Variants in NAA25 observed in about 807,000 individuals in gnomAD.
NAA25 encodes N-terminal acetyltransferase B complex subunit NAA25.
NAA25 carries 30 observed loss-of-function variants against 132.5 expected under a neutral mutation model. The ratio of observed to expected loss-of-function variants is 0.23; its 90% CI spans 0.17 to 0.31. The LOEUF (loss-of-function observed/expected upper bound fraction) is 0.31. Among genes scored for constraint, NAA25 ranks in the 10% least tolerant of loss-of-function variants. The probability of loss-of-function intolerance (pLI) is 1.00; values close to 1 mark genes in which losing one functional copy is unlikely to be tolerated. For missense variants in NAA25, 771 were observed against 1,150.4 expected, an observed-to-expected ratio of 0.67 and a Z score of 4.77; for synonymous variants, 359 against 401.9, an observed-to-expected ratio of 0.89 and a Z score of 1.28.
chr12:112,075,544 G>A, intron 8 of NAA25, 134 bp downstream of exon 8: 1 of 655,542 alleles, frequency 1.5e-6, no homozygotes, highest in Non-Finnish European at 2.6e-6. Context: ...AAAACTTTTA[G>A]AAACATGCAG....
intron 11 of NAA25, among the ~76,000 whole-genome samples, chr12:112,068,321 T>G (rs576168446): frequency 6.6e-6 from 1 of 152,110 alleles, no homozygotes. Context: ...CATGTGGGAT[T>G]CTGGTGGTGG....
intron 1 of NAA25, among the ~76,000 whole-genome samples, chr12:112,098,134 A>C (rs1035991769): frequency 6.6e-6 from 1 of 150,920 alleles, no homozygotes; most frequent in Non-Finnish European, 1.5e-5. Flanking sequence ...AAAAAAAAAA[A>C]AAAAAAACCA....
chr12:112,049,702 G>T lies in NAA25; in HGVS notation c.1729-1259C>A. On this transcript the variant is annotated intron_variant, in intron 15 of 23. Transcript: ENST00000261745. This position sits in a 1 kb window ranked among gnomAD's most constrained non-coding sequence, Gnocchi z 4.7. Reference sequence around the variant, plus strand: ...CAAGAAGGACTACCTGAAAAAGCTCGAGTATACCTTCTAGCTTGATTAAAG... The same window carrying T: ...CAAGAAGGACTACCTGAAAAAGCTCTAGTATACCTTCTAGCTTGATTAAAG... The T allele has an allele frequency of 1.1e-6, 1 of 910,706 alleles. No individual in the cohort carries two copies. The highest frequency in any genetic ancestry group is 1.3e-6 in the Non-Finnish European group (1 of 761,860). 56.4% of individuals were successfully genotyped at this position (910,706 alleles called of 1,614,324 possible).
intron 4 of NAA25, among the ~76,000 whole-genome samples, chr12:112,082,583 A>G (rs1243625400): frequency 2.6e-5 from 4 of 152,136 alleles, no homozygotes; most frequent in African/African-American, 9.7e-5. Context: ...TCTCAAAATC[A>G]AAATAATAAA....
chr12:112,046,421 C>T (rs1034728551), intron 17 of NAA25, among the ~76,000 whole-genome samples: 3 of 152,204 alleles, frequency 2.0e-5, no homozygotes, highest in East Asian at 1.9e-4. Flanking sequence ...AAACCTTAGC[C>T]GTTGAGTGCA....
intron 19 of NAA25, 114 bp downstream of exon 19, chr12:112,042,974 A>C: frequency 1.0e-6 from 1 of 987,208 alleles, no homozygotes. Flanking sequence ...TTTGCAGAAC[A>C]GCTTCCAGCT....
chr12:112,067,479 C>T (rs144624291), intron 11 of NAA25, among the ~76,000 whole-genome samples: 1,803 of 152,154 alleles, frequency 0.012, 22 homozygotes, highest in Admixed American at 0.014. Context: ...AAGGCTGAGG[C>T]GGGTGGATCA....
intron 10 of NAA25, among the ~76,000 whole-genome samples, chr12:112,070,995 C>T (rs1029390878): frequency 1.3e-5 from 2 of 152,246 alleles, no homozygotes; most frequent in African/African-American, 2.4e-5. Flanking sequence ...GATCCGCCCG[C>T]CTTGGCCTCC....
chr12:112,066,737 C>T (rs867144551), intron 11 of NAA25, among the ~76,000 whole-genome samples: 6 of 152,188 alleles, frequency 3.9e-5, no homozygotes, highest in African/African-American at 9.7e-5. Flanking sequence ...ACTAAACCAA[C>T]GTGAATGGCA....
At chr12:112,094,044 C>T (rs2079176582) in intron 1 of NAA25, among the ~76,000 whole-genome samples, 1 of 151,746 alleles carries the variant, frequency 6.6e-6, no homozygotes, top group African/African-American at 2.4e-5. Flanking sequence ...TCGAGACCAT[C>T]CTGGCTAACA....
At chr12:112,030,210 C>CAAAAAAAAAA (rs67757055) in intron 23 of NAA25, among the ~76,000 whole-genome samples, 1 of 53,376 alleles carries the variant, frequency 1.9e-5, no homozygotes, top group Admixed American at 2.5e-4. Flanking sequence ...AAAGCTGTCT[C>CAAAAAAAAAA]AAAAAAAAAA....
Position 112,053,692 on chromosome 12 carries a change from T to G in NAA25, c.1629-35A>C, listed in dbSNP as rs1377515679. 8 of 1,474,454 alleles carry G rather than the reference T, an allele frequency of 5.4e-6. No homozygotes were observed. The South Asian group carries it at 7.1e-5, about 13-fold the overall frequency. The allele number at this position is 1,474,454 out of a possible 1,614,324, so 91.3% of individuals were successfully genotyped here. A position where few individuals can be genotyped will look rare whatever the true frequency, so the allele number is the denominator to read the frequency against. Reference sequence around the variant, plus strand: ...AAGGAAAGAAGGAAAAAAAAAGACATGTTATACTTACTTACCTAGCTCAAG... The same window carrying G: ...AAGGAAAGAAGGAAAAAAAAAGACAGGTTATACTTACTTACCTAGCTCAAG... On this transcript the variant is annotated intron_variant, in intron 14 of 23. Transcript: ENST00000261745.
chr12:112,052,719 A>G (rs1026048792), intron 15 of NAA25, among the ~76,000 whole-genome samples: 1 of 152,218 alleles, frequency 6.6e-6, no homozygotes, highest in Admixed American at 6.5e-5. Context: ...GTGTTTGCCA[A>G]GAAGAACCCC....
chr12:112,080,309 A>C (rs2078954684), intron 5 of NAA25, among the ~76,000 whole-genome samples: 2 of 150,252 alleles, frequency 1.3e-5, no homozygotes, highest in African/African-American at 2.4e-5. Context: ...AACCCAAAAA[A>C]CTCAAAACCC....
intron 23 of NAA25, among the ~76,000 whole-genome samples, chr12:112,031,961 G>A (rs1417238542): frequency 6.6e-6 from 1 of 151,562 alleles, no homozygotes; most frequent in African/African-American, 2.4e-5. Context: ...GAACATGTCT[G>A]CTTTTTTTTT....
chr12:112,081,932 G>T (rs1247840014), intron 4 of NAA25, among the ~76,000 whole-genome samples: 1 of 152,132 alleles, frequency 6.6e-6, no homozygotes, highest in Non-Finnish European at 1.5e-5. Context: ...ATACATAAAT[G>T]ACTGAAATGT....
intron 4 of NAA25, among the ~76,000 whole-genome samples, chr12:112,086,990 A>G (rs2079067525): frequency 6.7e-6 from 1 of 149,070 alleles, no homozygotes; most frequent in Non-Finnish European, 1.5e-5. Flanking sequence ...CCTGGGCAAC[A>G]ACAGCAAAAC....
intron 4 of NAA25, 94 bp from the exon 5 acceptor site, chr12:112,081,228 G>C (rs1333542749): frequency 9.9e-7 from 1 of 1,005,226 alleles, no homozygotes; most frequent in Non-Finnish European, 1.5e-6. Context: ...TGGGAGAACA[G>C]CAATATATTT....
intron 11 of NAA25, among the ~76,000 whole-genome samples, chr12:112,068,331 G>GT (rs2078749136): frequency 1.3e-5 from 2 of 152,108 alleles, no homozygotes; most frequent in Non-Finnish European, 2.9e-5. Flanking sequence ...TCTGGTGGTG[G>GT]TGGGACTGTT....
Sources: gnomAD v4.1 joint callset for allele counts (sites outside exome capture counted in the v4.1 genomes callset) on GRCh38, gnomAD v4.1.1 for gene constraint, Gnocchi (gnomAD v3.1) non-coding constraint, MANE v1.5 for transcripts, NCBI Gene and HGNC (gene_info 2026-07-23, HGNC 2026-07-21) for gene names.